Variants in TFCP2L1 observed in about 807,000 individuals in gnomAD.
TFCP2L1 encodes the protein transcription factor CP2 like 1.
In TFCP2L1, 12 loss-of-function variants were observed where a neutral mutation model predicts 72.2. That is an observed-to-expected ratio of 0.17 (90% CI 0.11 to 0.27). The LOEUF (loss-of-function observed/expected upper bound fraction) is 0.27, where lower values mean the gene tolerates loss of function less well. Ranked by LOEUF, TFCP2L1 falls within the 10% of genes least tolerant of loss-of-function variation. TFCP2L1 has a pLI of 1.00. For synonymous variants in TFCP2L1, 260 were observed against 251.0 expected (o/e 1.04, Z -0.34); for missense variants, 488 against 624.6 (o/e 0.78, Z 2.33).
At chr2:121,255,722 T>TC (rs530545167) in intron 2 of TFCP2L1, among the ~76,000 whole-genome samples, 13 of 151,852 alleles carry the variant, frequency 8.6e-5, no homozygotes, top group Middle Eastern at 6.8e-3. Context: ...AAGGAGTGTA[T>TC]CTATTACATT....
intron 13 of TFCP2L1, 35 bp downstream of exon 13, chr2:121,231,791 C>T: frequency 6.2e-7 from 1 of 1,607,320 alleles, no homozygotes; most frequent in South Asian, 1.1e-5. Flanking sequence ...TGGCCCAGAG[C>T]CCGTTGTCGG....
chr2:121,250,610 T>A (rs1686588549), intron 2 of TFCP2L1, among the ~76,000 whole-genome samples: 1 of 40,488 alleles, frequency 2.5e-5, no homozygotes, highest in African/African-American at 3.6e-4. Context: ...TGGCATATCT[T>A]TTTTTTTTTT....
intron 2 of TFCP2L1, among the ~76,000 whole-genome samples, chr2:121,278,796 G>A (rs545769089): frequency 2.5e-4 from 38 of 151,912 alleles, no homozygotes; most frequent in African/African-American, 9.2e-4. Context: ...TTGAGGCCAG[G>A]AGTTCAAGAC....
chr2:121,266,374 G>A (rs1446982980), intron 2 of TFCP2L1, among the ~76,000 whole-genome samples: 2 of 152,070 alleles, frequency 1.3e-5, no homozygotes, highest in Non-Finnish European at 2.9e-5. Flanking sequence ...TACCTGGCCC[G>A]TTAATGTGAT....
At chr2:121,235,874 G>GTTT (rs1686239302) in intron 10 of TFCP2L1, among the ~76,000 whole-genome samples, 1 of 152,038 alleles carries the variant, frequency 6.6e-6, no homozygotes, top group Non-Finnish European at 1.5e-5. Context: ...AGAGCCAGCA[G>GTTT]TGAAACATTG....
chr2:121,274,802 G>A (rs1687113118), intron 2 of TFCP2L1, among the ~76,000 whole-genome samples: 1 of 152,086 alleles, frequency 6.6e-6, no homozygotes, highest in African/African-American at 2.4e-5. Context: ...AAAATTAGCT[G>A]AGTGTGGTAG....
intron 2 of TFCP2L1, among the ~76,000 whole-genome samples, chr2:121,257,333 G>C (rs899070666): frequency 3.3e-5 from 5 of 152,056 alleles, no homozygotes; most frequent in African/African-American, 1.2e-4. Flanking sequence ...CCGGGGGAGG[G>C]GTGGGGCTCC....
At chr2:121,246,758 G>A (rs746955685) in intron 6 of TFCP2L1, 60 bp downstream of exon 6, 57 of 1,601,378 alleles carry the variant, frequency 3.6e-5, no homozygotes, top group South Asian at 2.0e-4. Flanking sequence ...CTCTGTGGGC[G>A]AATGTGACCA....
intron 2 of TFCP2L1, among the ~76,000 whole-genome samples, chr2:121,265,280 G>T (rs1465554469): frequency 6.6e-6 from 1 of 152,220 alleles, no homozygotes; most frequent in Non-Finnish European, 1.5e-5. Flanking sequence ...AGTGGGTAGA[G>T]ATAAAGTAGA....
intron 2 of TFCP2L1, among the ~76,000 whole-genome samples, chr2:121,279,833 C>T (rs1283850797): frequency 1.3e-5 from 2 of 152,202 alleles, no homozygotes; most frequent in Non-Finnish European, 2.9e-5. Context: ...GGGTATCATA[C>T]CAGTCAGGGG....
intron 2 of TFCP2L1, among the ~76,000 whole-genome samples, chr2:121,260,830 G>A (rs1686818552): frequency 6.6e-6 from 1 of 152,228 alleles, no homozygotes; most frequent in African/African-American, 2.4e-5. Context: ...AGGGCCTCCT[G>A]CCTGGATCAC....
At chr2:121,275,217 T>C (rs1364881367) in intron 2 of TFCP2L1, among the ~76,000 whole-genome samples, 1 of 151,786 alleles carries the variant, frequency 6.6e-6, no homozygotes, top group East Asian at 2.0e-4. Flanking sequence ...ACCCCATCTC[T>C]ACTAAAAATA....
chr2:121,233,920 C>T (rs1219668904), intron 12 of TFCP2L1, among the ~76,000 whole-genome samples, 171 bp downstream of exon 12: 1 of 152,254 alleles, frequency 6.6e-6, no homozygotes, highest in Non-Finnish European at 1.5e-5. Context: ...GAGGTCAGAC[C>T]ATGCACCATG....
chr2:121,225,578 G>T lies in TFCP2L1; in HGVS notation c.1377C>A (p.Val459=). Residue 459 remains valine (V), a synonymous_variant, in exon 14 of 15, where the codon GTC becomes GTA. Transcript: ENST00000263707. ...AGGCTTCACCTTTAATTGTGCTGAG[G>T]ACAAAACAGGATTCATCTTGGAAGT... ...VQNFQDESCF[V]LSTIKAESND... 6.2e-7 allele frequency: 1 copy of T among 1,614,140 alleles called. No individual in the cohort carries two copies. Among genetic ancestry groups the T allele is most frequent in the Non-Finnish European group, 8.5e-7 (1 of 1,180,036 alleles).
chr2:121,230,891 T>C (rs1340699006), intron 13 of TFCP2L1, among the ~76,000 whole-genome samples: 1 of 152,140 alleles, frequency 6.6e-6, no homozygotes, highest in African/African-American at 2.4e-5. Flanking sequence ...GCCTGGGCAA[T>C]GCAGCGAGAC....
chr2:121,248,395 G>A, intron 4 of TFCP2L1, 125 bp from the exon 5 acceptor site: 1 of 716,338 alleles, frequency 1.4e-6, no homozygotes, highest in Non-Finnish European at 2.2e-6. Flanking sequence ...CTCTGAAAAA[G>A]TTTTGCATAA....
intron 2 of TFCP2L1, among the ~76,000 whole-genome samples, chr2:121,258,905 A>G (rs1686779315): frequency 6.6e-6 from 1 of 152,194 alleles, no homozygotes; most frequent in Non-Finnish European, 1.5e-5. Context: ...TGGTTATATA[A>G]AAGAATGTCC....
intron 14 of TFCP2L1, 141 bp downstream of exon 14, chr2:121,225,421 T>G (rs1686008539): frequency 1.3e-6 from 1 of 795,456 alleles, no homozygotes; most frequent in Non-Finnish European, 2.1e-6. Flanking sequence ...TTTCTAGGGC[T>G]AGCTTTCACG....
At chr2:121,267,557 G>A (rs4848699) in intron 2 of TFCP2L1, among the ~76,000 whole-genome samples, 6,516 of 151,536 alleles carry the variant, frequency 0.043, 215 homozygotes, top group Non-Finnish European at 0.067. Context: ...GCAGTGGCGC[G>A]ATCTCGACTC....
Sources: allele counts gnomAD v4.1 joint callset (sites outside exome capture counted in the v4.1 genomes callset), GRCh38; gene constraint gnomAD v4.1.1; transcripts MANE v1.5; gene names NCBI Gene and HGNC (gene_info 2026-07-23, HGNC 2026-07-21).